Variants in CEP63 observed in about 807,000 individuals in gnomAD.
CEP63 encodes the protein centrosomal protein 63.
CEP63 carries 84 observed loss-of-function variants against 89.1 expected under a neutral mutation model. The ratio of observed to expected loss-of-function variants is 0.94; its 90% CI spans 0.79 to 1.13. The LOEUF (loss-of-function observed/expected upper bound fraction) is 1.13, where lower values mean the gene tolerates loss of function less well. CEP63 is among the 50% of genes most tolerant of loss of function. The probability of loss-of-function intolerance (pLI) is 0.00; values close to 1 mark genes in which losing one functional copy is unlikely to be tolerated. For missense variants in CEP63, 838 were observed against 813.3 expected (o/e 1.03, Z -0.37); for synonymous variants, 267 against 272.5 (o/e 0.98, Z 0.20).
the CEP63 span, chr3:134,619,311 C>T: frequency 9.8e-6 from 14 of 1,427,246 alleles, no homozygotes; most frequent in Non-Finnish European, 1.2e-5. Flanking sequence ...GCCTGGGAGG[C>T]GAGAAGACTC....
the CEP63 span, among the ~76,000 whole-genome samples, chr3:134,679,099 T>C: frequency 2.0e-5 from 3 of 151,388 alleles, no homozygotes; most frequent in African/African-American, 7.2e-5. Context: ...TGTTGGAGGA[T>C]GGTAGTTTAC....
At chr3:134,769,429 C>T in the CEP63 span, among the ~76,000 whole-genome samples, 1 of 152,314 alleles carries the variant, frequency 6.6e-6, no homozygotes, top group East Asian at 1.9e-4. Context: ...ACATTCAGGT[C>T]ACCTGGGAAG....
the CEP63 span, chr3:134,651,175 G>T: frequency 3.6e-6 from 5 of 1,395,354 alleles, no homozygotes; most frequent in South Asian, 2.9e-5. Flanking sequence ...TAATGAAGCG[G>T]CTCTAAGTCA....
the CEP63 span, among the ~76,000 whole-genome samples, chr3:134,764,661 T>C: frequency 3.3e-5 from 5 of 152,234 alleles, no homozygotes; most frequent in Non-Finnish European, 7.3e-5. Context: ...AAATTAACTT[T>C]CGGCTCATCT....
the CEP63 span, among the ~76,000 whole-genome samples, chr3:134,609,809 A>C: frequency 6.6e-6 from 1 of 152,200 alleles, no homozygotes; most frequent in Admixed American, 6.5e-5. Context: ...AAGCAGTAAG[A>C]GATCATTCTG....
chr3:134,613,237 C>G, the CEP63 span: 1 of 154,518 alleles, frequency 6.5e-6, no homozygotes, highest in South Asian at 2.0e-4. Flanking sequence ...AGCATTTGTG[C>G]AGCCTCCAGG....
At chr3:134,757,349 T>C in the CEP63 span, among the ~76,000 whole-genome samples, 1 of 152,218 alleles carries the variant, frequency 6.6e-6, no homozygotes, top group Non-Finnish European at 1.5e-5. Context: ...TTAAAGCTTA[T>C]CTTGCTCAAA....
chr3:134,678,032 G>A, the CEP63 span, among the ~76,000 whole-genome samples: 1 of 151,848 alleles, frequency 6.6e-6, no homozygotes, highest in African/African-American at 2.4e-5. Flanking sequence ...GCCACTCCCT[G>A]CTCAAACCCA....
intron 12 of CEP63, chr3:134,553,157 C>T (rs1955290784): frequency 6.6e-6 from 1 of 152,124 alleles, no homozygotes; most frequent in Non-Finnish European, 1.5e-5. Context: ...ATGGTTCCAA[C>T]ATGCTCCCTG....
At chr3:134,623,384 A>G in the CEP63 span, among the ~76,000 whole-genome samples, 1 of 152,078 alleles carries the variant, frequency 6.6e-6, no homozygotes, top group African/African-American at 2.4e-5. Flanking sequence ...ACGGCAGGCC[A>G]GGTGGGACTT....
the CEP63 span, among the ~76,000 whole-genome samples, chr3:134,769,710 A>G: frequency 8.0e-4 from 122 of 152,350 alleles, no homozygotes; most frequent in African/African-American, 2.8e-3. Context: ...AGGCCCCAGG[A>G]AGCTGTATGC....
chr3:134,628,002 G>A, the CEP63 span: 2 of 611,758 alleles, frequency 3.3e-6, no homozygotes. Context: ...ACTTCCTGGT[G>A]TGGCAGAAGG....
chr3:134,577,431 C>CCTTT (rs774150066), downstream of CEP63, among the ~76,000 whole-genome samples: 2 of 86,326 alleles, frequency 2.3e-5, no homozygotes, highest in Non-Finnish European at 4.0e-5. Context: ...TTCTAATCCA[C>CCTTT]TTTTTTTTTT....
chr3:134,544,992 ATTTG>A (rs951324950), intron 6 of CEP63, among the ~76,000 whole-genome samples: 20 of 151,198 alleles, frequency 1.3e-4, no homozygotes, highest in African/African-American at 2.9e-4. Context: ...TTTGTATTTT[ATTTG>A]TTTGTTTGTT....
the CEP63 span, among the ~76,000 whole-genome samples, chr3:134,647,751 G>C: frequency 6.6e-6 from 1 of 152,128 alleles, no homozygotes; most frequent in African/African-American, 2.4e-5. Context: ...AATTTTTGTA[G>C]TACAGATGCC....
chr3:134,607,220 C>A, the CEP63 span: 2 of 985,492 alleles, frequency 2.0e-6, no homozygotes, highest in Non-Finnish European at 2.4e-6. Context: ...AATTGAGCAA[C>A]TTCACGCTGT....
intron 3 of CEP63, among the ~76,000 whole-genome samples, chr3:134,521,183 C>G (rs1559930128): frequency 6.6e-6 from 1 of 152,074 alleles, no homozygotes; most frequent in African/African-American, 2.4e-5. Flanking sequence ...CTTGGTTTCA[C>G]AGGTTACTAG....
chr3:134,608,799 T>C, the CEP63 span: 9 of 1,613,964 alleles, frequency 5.6e-6, no homozygotes, highest in Non-Finnish European at 5.9e-6. Context: ...TGGTCCTCGA[T>C]GAACAGTGCA....
the CEP63 span, among the ~76,000 whole-genome samples, chr3:134,725,925 G>A: frequency 6.6e-6 from 1 of 152,344 alleles, no homozygotes; most frequent in Admixed American, 6.5e-5. Flanking sequence ...AGCCAGGATG[G>A]TGTCCTCTGT....
Sources: allele counts gnomAD v4.1 joint callset (sites outside exome capture counted in the v4.1 genomes callset), GRCh38; gene constraint gnomAD v4.1.1; transcripts MANE v1.5; gene names NCBI Gene and HGNC (gene_info 2026-07-23, HGNC 2026-07-21).